Variants in HOATZ observed in about 807,000 individuals in gnomAD.
HOATZ encodes the protein HOATZ cilia and flagella associated protein.
In HOATZ, 26 loss-of-function variants were observed where a neutral mutation model predicts 24.9. The ratio of observed to expected loss-of-function variants is 1.04; its 90% confidence interval spans 0.76 to 1.45. The LOEUF is 1.45. Ranked by LOEUF, HOATZ falls within the 40% of genes most tolerant of loss-of-function variation. HOATZ has a pLI of 0.00. For synonymous variants in HOATZ, 83 were observed against 76.6 expected (o/e 1.08, Z -0.43); for missense variants, 226 against 201.5 (o/e 1.12, Z -0.74).
intron 3 of HOATZ, among the ~76,000 whole-genome samples, chr11:111,520,319 G>A (rs1867254945): frequency 6.6e-6 from 1 of 152,146 alleles, no homozygotes; most frequent in African/African-American, 2.4e-5. Flanking sequence ...AGGAAGAAGA[G>A]GTCAGAGCAG....
At chr11:111,525,185 T>C (rs551748678) in intron 3 of HOATZ, among the ~76,000 whole-genome samples, 10 of 152,288 alleles carry the variant, frequency 6.6e-5, no homozygotes, top group Non-Finnish European at 1.5e-4. Flanking sequence ...AATGTGCATA[T>C]TTTCATTGTA....
intron 3 of HOATZ, among the ~76,000 whole-genome samples, chr11:111,521,259 C>G (rs1358962719): frequency 6.6e-6 from 1 of 152,054 alleles, no homozygotes; most frequent in African/African-American, 2.4e-5. Context: ...CTTAGAACTT[C>G]AAAAGGTTGT....
intron 3 of HOATZ, among the ~76,000 whole-genome samples, chr11:111,526,220 C>T (rs752955698): frequency 6.6e-6 from 1 of 152,070 alleles, no homozygotes; most frequent in Non-Finnish European, 1.5e-5. Context: ...AGGTTAGGCT[C>T]CAGTAAGAAC....
At chr11:111,516,566 A>T (rs913270466) in intron 3 of HOATZ, among the ~76,000 whole-genome samples, 51 of 152,194 alleles carry the variant, frequency 3.4e-4, no homozygotes, top group African/African-American at 1.2e-3. Context: ...AAAAATTTTT[A>T]ATTTGCCAGG....
Position 111,536,820 on chromosome 11 carries a change from T to C in HOATZ, c.503T>C (p.Leu168Ser), listed in dbSNP as rs199531156. 1.7e-5 allele frequency: 27 copies of C among 1,613,674 alleles called. No individual in the cohort carries two copies. The East Asian group carries it at 5.4e-4, about 32-fold the overall frequency. ...GAGGACCAAGAAGAAGTCAAAACTT[T>C]GGACTAATTTGCTTGACACATGGCA... ...DKEDQEEVKT[L>S]D Residue 168 changes from leucine to serine, a missense_variant, in exon 6 of 6, where the codon TTG becomes TCG. Transcript: ENST00000375618.
At chr11:111,536,142 A>G (rs1867448335) in intron 5 of HOATZ, 1 of 152,294 alleles carries the variant, frequency 6.6e-6, no homozygotes, top group South Asian at 2.1e-4. Flanking sequence ...TACTGCTTAC[A>G]TGTTGGACTT....
At chr11:111,534,360 A>G (rs1867425457) in intron 4 of HOATZ, 52 bp from the exon 5 acceptor site, 3 of 1,273,448 alleles carry the variant, frequency 2.4e-6, no homozygotes, top group Non-Finnish European at 3.4e-6. Context: ...AATTCCAATC[A>G]GTGCAAGAAG....
intron 3 of HOATZ, among the ~76,000 whole-genome samples, chr11:111,518,222 G>A (rs1867229967): frequency 6.6e-6 from 1 of 152,160 alleles, no homozygotes; most frequent in African/African-American, 2.4e-5. Flanking sequence ...AAGACAAGAG[G>A]CCTAACAAAA....
chr11:111,525,337 T>C lies in HOATZ; in HGVS notation c.340-8409T>C, dbSNP rs537913883. Among the ~76,000 whole-genome samples, 4 of 152,382 alleles carry C rather than the reference T, an allele frequency of 2.6e-5. No individual in the cohort carries two copies. The East Asian group carries it at 7.7e-4, about 29-fold the overall frequency. On this transcript the variant is annotated intron_variant, in intron 3 of 5. Transcript: ENST00000375618. ...AACTAAAAATATAAAAGATTGTTCT[T>C]AACTGTGGTTATGTTTTATATACTA...
chr11:111,515,795 C>G (rs940265963), intron 2 of HOATZ, among the ~76,000 whole-genome samples: 1 of 152,192 alleles, frequency 6.6e-6, no homozygotes, highest in Non-Finnish European at 1.5e-5. Context: ...GAGACTTTTT[C>G]TTGTCTCTGG....
intron 5 of HOATZ, chr11:111,536,450 AT>A (rs1867451422): frequency 4.7e-6 from 1 of 212,598 alleles, no homozygotes; most frequent in African/African-American, 2.3e-5. Context: ...GAATATTTGC[AT>A]TTTAAAAGAA....
At chr11:111,532,581 G>A (rs984400819) in intron 3 of HOATZ, among the ~76,000 whole-genome samples, 6 of 152,192 alleles carry the variant, frequency 3.9e-5, no homozygotes, top group Non-Finnish European at 7.3e-5. Context: ...CTAGAAAGAA[G>A]CAAAGAAACC....
intron 3 of HOATZ, among the ~76,000 whole-genome samples, chr11:111,529,267 A>G (rs906138452): frequency 6.6e-6 from 1 of 152,242 alleles, no homozygotes; most frequent in Non-Finnish European, 1.5e-5. Context: ...TGACTAGATT[A>G]CTAAAGGCAT....
Position 111,514,902 on chromosome 11 carries a change from T to A in HOATZ, c.118T>A (p.Phe40Ile). ...SEQDANLAKQ[F>I]WISASMYPPS... is the part of the protein sequence containing the mutation. ...ACAAGATGCCAACTTGGCTAAGCAG[T>A]TCTGGATCTCGGCGTCGATGTATCC... The change falls in exon 1 of 6, where the codon TTC (phenylalanine) becomes ATC (isoleucine). Residue 40 changes from phenylalanine (F) to isoleucine (I), a missense_variant. Coordinates refer to ENST00000375618, the MANE Select transcript of HOATZ (RefSeq NM_001100388.2). The A allele has an allele frequency of 6.2e-7, 1 of 1,614,146 alleles. No individual in the cohort carries two copies. The highest frequency in any genetic ancestry group is 8.5e-7 in the Non-Finnish European group (1 of 1,180,024).
chr11:111,534,645 TTGTC>T (rs1370028906), intron 5 of HOATZ, 181 bp downstream of exon 5: 20 of 603,102 alleles, frequency 3.3e-5, no homozygotes, highest in Non-Finnish European at 5.4e-5. Flanking sequence ...GTGTACGAAC[TTGTC>T]TGTCTGTGGA....
chr11:111,518,572 A>G (rs1867233929), intron 3 of HOATZ, among the ~76,000 whole-genome samples: 3 of 152,226 alleles, frequency 2.0e-5, no homozygotes, highest in East Asian at 3.8e-4. Flanking sequence ...ACAACTGGTA[A>G]GTGGCAGAGC....
intron 3 of HOATZ, among the ~76,000 whole-genome samples, chr11:111,520,289 A>G (rs944384213): frequency 2.0e-5 from 3 of 152,220 alleles, no homozygotes; most frequent in African/African-American, 7.2e-5. Flanking sequence ...AGAATTATAA[A>G]TAATTCATTT....
At chr11:111,515,400 G>A in intron 1 of HOATZ, 111 bp from the exon 2 acceptor site, 1 of 838,548 alleles carries the variant, frequency 1.2e-6, no homozygotes, top group Admixed American at 1.9e-5. Flanking sequence ...CCCTTAGTGA[G>A]GCCTAGGATG....
At chr11:111,515,057 A>T (rs1422743653) in intron 1 of HOATZ, 47 bp downstream of exon 1, 1 of 1,408,148 alleles carries the variant, frequency 7.1e-7, no homozygotes. Context: ...CCTCACCGTA[A>T]CTGGCCTGCA....
Sources: allele counts gnomAD v4.1 joint callset (sites outside exome capture counted in the v4.1 genomes callset), GRCh38; gene constraint gnomAD v4.1.1; transcripts MANE v1.5; gene names NCBI Gene and HGNC (gene_info 2026-07-23, HGNC 2026-07-21).